UPP1: variants seen among roughly 807,000 people sequenced by gnomAD.
UPP1 encodes UPase 1.
In UPP1, 25 loss-of-function variants were observed where a neutral mutation model predicts 29.6. The ratio of observed to expected loss-of-function variants is 0.85; its 90% CI spans 0.62 to 1.18. The LOEUF (loss-of-function observed/expected upper bound fraction) is 1.18. Ranked by LOEUF, UPP1 falls within the 50% of genes most tolerant of loss-of-function variation. The pLI is 0.00. For synonymous variants in UPP1, 165 were observed against 159.8 expected (o/e 1.03, Z -0.25); for missense variants, 368 against 410.4 (o/e 0.90, Z 0.89).
Position 48,093,441 on chromosome 7 carries a change from G to A in UPP1, c.-21-1322G>A, listed in dbSNP as rs538889025. On this transcript the variant is annotated intron_variant, in intron 2 of 8. Coordinates refer to ENST00000395564, the MANE Select transcript of UPP1 (RefSeq NM_003364.4). ...GTCTTTATGAGCCTTGGATCATCCT[G>A]TAGACCCAGTGCTTCACTCTCTTCC... is the stretch of plus-strand genomic sequence containing the variant. Among the ~76,000 whole-genome samples the A allele has an allele frequency of 5.3e-5, 8 of 152,306 alleles. No homozygotes were observed. The South Asian group carries it at 1.4e-3, about 28-fold the overall frequency.
At chr7:48,107,192 C>G in intron 7 of UPP1, 110 bp downstream of exon 7, 1 of 1,450,366 alleles carries the variant, frequency 6.9e-7, no homozygotes, top group South Asian at 1.2e-5. Context: ...GCTGCTGTCT[C>G]AGTTACACTT....
chr7:48,104,379 A>C (rs1792611735), intron 6 of UPP1, among the ~76,000 whole-genome samples: 1 of 152,122 alleles, frequency 6.6e-6, no homozygotes, highest in East Asian at 1.9e-4. Flanking sequence ...TGGGGTTCCA[A>C]CTCTGTGCCA....
intron 1 of UPP1, among the ~76,000 whole-genome samples, 164 bp from the exon 2 acceptor site, chr7:48,090,024 G>A (rs1475733287): frequency 6.6e-6 from 1 of 152,224 alleles, no homozygotes; most frequent in Non-Finnish European, 1.5e-5. Context: ...TGGCCATCGA[G>A]TCAACATTTA....
At chr7:48,106,800 C>A in intron 6 of UPP1, 73 bp from the exon 7 acceptor site, 1 of 1,426,118 alleles carries the variant, frequency 7.0e-7, no homozygotes, top group Non-Finnish European at 9.8e-7. Flanking sequence ...CTGCTGTGTG[C>A]TCCCTGGCTG....
At chr7:48,107,157 G>A in intron 7 of UPP1, 75 bp downstream of exon 7, 5 of 1,544,964 alleles carry the variant, frequency 3.2e-6, no homozygotes, top group Non-Finnish European at 3.5e-6. Flanking sequence ...CCTTCTCGCT[G>A]TGGACTGGCG....
At chr7:48,097,052 A>G (rs1025422736) in intron 3 of UPP1, among the ~76,000 whole-genome samples, 1 of 152,146 alleles carries the variant, frequency 6.6e-6, no homozygotes, top group Non-Finnish European at 1.5e-5. Flanking sequence ...CTCAATGAAT[A>G]TTTGCTAGAT....
rs1792313437 is a variant in UPP1, at chr7:48,099,676, CCCCG to C, written c.52_55del (p.Pro18SerfsTer4). Reference sequence around the variant, plus strand: ...CTTTCTTGTTTTTTAACAGTGATTGCCCCGTCAGACTTTTAAATCCAAACATAGC... The same window carrying C: ...CTTTCTTGTTTTTTAACAGTGATTGCTCAGACTTTTAAATCCAAACATAGC... On this transcript the variant is annotated frameshift_variant, in exon 4 of 9. Transcript: ENST00000395564. LOFTEE classifies it high-confidence loss of function. The C allele has an allele frequency of 6.2e-7, 1 of 1,608,384 alleles. No homozygotes were observed. The highest frequency in any genetic ancestry group is 8.5e-7 in the Non-Finnish European group (1 of 1,175,186).
chr7:48,092,021 G>A (rs1423957856), intron 2 of UPP1, among the ~76,000 whole-genome samples: 1 of 152,102 alleles, frequency 6.6e-6, no homozygotes. Flanking sequence ...AGCTTTCCGG[G>A]GGCCACTCAG....
At chr7:48,104,648 T>G (rs542740628) in intron 6 of UPP1, 1 of 152,230 alleles carries the variant, frequency 6.6e-6, no homozygotes, top group African/African-American at 2.4e-5. Context: ...CTCTTTTCTT[T>G]TTGTTATATA....
chr7:48,092,061 C>G (rs866825951), intron 2 of UPP1, among the ~76,000 whole-genome samples: 3 of 152,106 alleles, frequency 2.0e-5, no homozygotes, highest in African/African-American at 7.2e-5. Flanking sequence ...ATGTTCTCAG[C>G]TGCTGGCCCA....
intron 2 of UPP1, among the ~76,000 whole-genome samples, chr7:48,090,835 G>A (rs906866731): frequency 6.6e-6 from 1 of 152,006 alleles, no homozygotes; most frequent in African/African-American, 2.4e-5. Context: ...CCTCATCACC[G>A]CAGACCGTTT....
chr7:48,092,361 C>T (rs1791884433), intron 2 of UPP1, among the ~76,000 whole-genome samples: 1 of 152,112 alleles, frequency 6.6e-6, no homozygotes, highest in Non-Finnish European at 1.5e-5. Context: ...CATGACCAGA[C>T]CCCTACGCCC....
rs1322946145 is a variant in UPP1, at chr7:48,101,823, G to A, written c.163-1G>A. ...TGGGGGTCTCTCTTCTCTGGCTGCAGTTTGTGTGTGTTGGTGGAAGCCCCT... is the reference window on the plus strand; with the variant it reads ...TGGGGGTCTCTCTTCTCTGGCTGCAATTTGTGTGTGTTGGTGGAAGCCCCT... On this transcript the variant is annotated splice_acceptor_variant, in intron 4 of 8. Coordinates refer to ENST00000395564, the MANE Select transcript of UPP1 (RefSeq NM_003364.4). LOFTEE classifies it high-confidence loss of function. 1 of 1,613,564 alleles carries A rather than the reference G, an allele frequency of 6.2e-7. No individual in the cohort carries two copies. The highest frequency in any genetic ancestry group is 8.5e-7 in the Non-Finnish European group (1 of 1,179,822).
At chr7:48,103,900 A>C (rs1251128379) in intron 6 of UPP1, 1 of 1,277,976 alleles carries the variant, frequency 7.8e-7, no homozygotes, top group East Asian at 5.6e-5. Context: ...TATCCTCAAC[A>C]GGGACATTTT....
rs139989746 is a variant in UPP1, at chr7:48,108,718, A to T, written c.*361A>T. 3.0e-4 allele frequency: 53 copies of T among 178,518 alleles called. No individual in the cohort carries two copies. Among genetic ancestry groups the T allele is most frequent in the Middle Eastern group, 2.3e-3 (1 of 430 alleles). The allele number at this position is 178,518 out of a possible 1,614,324, so 11.1% of individuals were successfully genotyped here. A position where few individuals can be genotyped will look rare whatever the true frequency, so the allele number is the denominator to read the frequency against. The stretch of plus-strand genomic sequence containing the variant: ...CAGGAAACTAATTTCCTGATACATT[A>T]AAAAAATTCCATGCACCACTTGCAA... On this transcript the variant is annotated 3_prime_UTR_variant, in exon 9 of 9. Coordinates refer to ENST00000395564, the MANE Select transcript of UPP1 (RefSeq NM_003364.4).
At chr7:48,103,710 T>A in intron 6 of UPP1, 1 of 1,267,554 alleles carries the variant, frequency 7.9e-7, no homozygotes, top group Middle Eastern at 2.2e-4. Flanking sequence ...TTCTGTCTTA[T>A]TCTTTCTAAT....
At chr7:48,105,134 T>A (rs1441409797) in intron 6 of UPP1, 1 of 152,300 alleles carries the variant, frequency 6.6e-6, no homozygotes, top group African/African-American at 2.4e-5. Context: ...TCCCAGGCAC[T>A]CCTAGGAAGG....
Position 48,099,672 on chromosome 7 carries a change from A to G in UPP1, c.47A>G (p.Asp16Gly). 6.2e-7 allele frequency: 1 copy of G among 1,607,032 alleles called. No homozygotes were observed. The highest frequency in any genetic ancestry group is 8.5e-7 in the Non-Finnish European group (1 of 1,173,740). The change falls in exon 4 of 9, where the codon GAT becomes GGT. Residue 16 changes from aspartate to glycine, a missense_variant and splice_region_variant. Transcript: ENST00000395564. ...ANAEKAESHN[D>G]CPVRLLNPNI... ...TCCACTTTCTTGTTTTTTAACAGTG[A>G]TTGCCCCGTCAGACTTTTAAATCCA...
At position 48,094,842 on chromosome 7, in the gene UPP1, C is replaced by T. The variant is rs1368096250; in HGVS notation, c.44+15C>T. 1.3e-6 allele frequency: 2 copies of T among 1,596,140 alleles called. No individual in the cohort carries two copies. Among genetic ancestry groups the T allele is most frequent in the Non-Finnish European group, 1.7e-6 (2 of 1,164,348 alleles). ...GAAAGTCACAAGTAAGGCTCCATTT[C>T]ATTCCAGGTTGGGTTGGGTGGGGTT... On this transcript the variant is annotated intron_variant, in intron 3 of 8. Transcript: ENST00000395564.
Sources: allele counts gnomAD v4.1 joint callset (sites outside exome capture counted in the v4.1 genomes callset), GRCh38; gene constraint gnomAD v4.1.1; transcripts MANE v1.5; gene names NCBI Gene and HGNC (gene_info 2026-07-23, HGNC 2026-07-21).